The following TIMELESS variants were observed in gnomAD, a reference collection of about 807,000 sequenced individuals.
TIMELESS encodes the protein protein timeless homolog.
In TIMELESS, 124 loss-of-function variants were observed where a neutral mutation model predicts 164.3. The observed-to-expected ratio is 0.75, with a 90% CI of 0.65 to 0.88. The LOEUF (loss-of-function observed/expected upper bound fraction) is 0.88. Ranked by LOEUF, TIMELESS falls within the 40% of genes least tolerant of loss-of-function variation. TIMELESS has a pLI of 0.00. For synonymous variants in TIMELESS, 564 were observed against 563.4 expected (o/e 1.00, Z -0.02); for missense variants, 1,422 against 1,491.4 (o/e 0.95, Z 0.77).
chr12:56,447,018 T>A (rs909231067), intron 1 of TIMELESS, among the ~76,000 whole-genome samples: 16 of 151,428 alleles, frequency 1.1e-4, no homozygotes, highest in African/African-American at 3.4e-4. Context: ...TTTTTATTTT[T>A]TTTTTTTTTG....
In TIMELESS at chr12:56,419,281, C is replaced by CGT. The variant is rs1565678115; in HGVS notation, c.3229-923_3229-922insAC. On this transcript the variant is annotated intron_variant, in intron 26 of 28. Transcript: ENST00000553532. Reference sequence around the variant, plus strand: ...TGCTGGGGTTACAGGCGTGAGCCACCATACCCAGCAGATTCCACAGGATTA... The same window carrying CGT: ...TGCTGGGGTTACAGGCGTGAGCCACCGTATACCCAGCAGATTCCACAGGATTA... 9.9e-5 allele frequency among the ~76,000 whole-genome samples: 15 copies of CGT among 152,258 alleles called. No individual in the cohort carries two copies. In the South Asian group the frequency reaches 1.0e-3, roughly 11 times the overall value.
chr12:56,420,907 T>C (rs1040669995), intron 24 of TIMELESS, 26 bp from the exon 25 acceptor site: 4 of 1,614,086 alleles, frequency 2.5e-6, no homozygotes, highest in African/African-American at 1.3e-5. Flanking sequence ...AAACTTACAT[T>C]TGACCCTACT....
At chr12:56,427,494 G>A (rs1446235824) in intron 13 of TIMELESS, among the ~76,000 whole-genome samples, 1 of 152,160 alleles carries the variant, frequency 6.6e-6, no homozygotes, top group Non-Finnish European at 1.5e-5. Flanking sequence ...TATGGATCTG[G>A]AGACCGACAC....
intron 26 of TIMELESS, 100 bp downstream of exon 26, chr12:56,420,469 T>C (rs1187277150): frequency 3.3e-6 from 2 of 606,822 alleles, no homozygotes; most frequent in Non-Finnish European, 5.1e-6. Context: ...AAGATGACGA[T>C]AAGGATAAGG....
rs909314336 is a variant in TIMELESS, at chr12:56,423,949, A to G, written c.1869-55T>C. 1.4e-5 allele frequency: 21 copies of G among 1,484,986 alleles called. No homozygotes were observed. In the Admixed American group the frequency reaches 2.4e-4, roughly 17 times the overall value. The allele number at this position is 1,484,986 out of a possible 1,614,324, so 92.0% of individuals were successfully genotyped here. The stretch of plus-strand genomic sequence containing the variant: ...CCAGGGGAAATCTGGCTTTAAATTT[A>G]TAATTCGAAGTAGAAGAAGGAATTT... On this transcript the variant is annotated intron_variant, in intron 15 of 28. Transcript: ENST00000553532.
Position 56,434,235 on chromosome 12 carries a change from G to T in TIMELESS, c.-61-4C>A. On this transcript the variant is annotated splice_region_variant and splice_polypyrimidine_tract_variant and intron_variant, in intron 1 of 28. Transcript: ENST00000553532. ...CAGGAGACAGAAATGATGAGGCCTGGAGAAATAGAGAAAGATAAAAAATGT... is the reference window on the plus strand; with the variant it reads ...CAGGAGACAGAAATGATGAGGCCTGTAGAAATAGAGAAAGATAAAAAATGT... The T allele has an allele frequency of 7.9e-7, 1 of 1,270,584 alleles. No homozygotes were observed. The highest frequency in any genetic ancestry group is 2.3e-5 in the East Asian group (1 of 43,184). 78.7% of individuals were successfully genotyped at this position (1,270,584 alleles called of 1,614,324 possible).
intron 15 of TIMELESS, 26 bp downstream of exon 15, chr12:56,424,736 A>G (rs1322601509): frequency 6.2e-7 from 1 of 1,608,944 alleles, no homozygotes; most frequent in Non-Finnish European, 8.5e-7. Context: ...CCAAAGCCCA[A>G]GAGGATGAGC....
At chr12:56,420,236 C>A (rs1472094721) in intron 26 of TIMELESS, among the ~76,000 whole-genome samples, 1 of 151,738 alleles carries the variant, frequency 6.6e-6, no homozygotes, top group African/African-American at 2.4e-5. Flanking sequence ...GGGACTTCAG[C>A]ATCTATAGAT....
At position 56,430,124 on chromosome 12, in the gene TIMELESS, C is replaced by T. The variant is rs147921196; in HGVS notation, c.1067G>A (p.Arg356Gln). ...CSEFLENCYN[R>Q]LMGSVKDHLL... ...TCTCACCTTTACTGATCCCATGAGC[C>T]GGTTGTAACAGTTCTCCAGGAACTC... Residue 356 changes from arginine to glutamine, a missense_variant, in exon 10 of 29, where the codon CGG becomes CAG. Coordinates refer to ENST00000553532, the MANE Select transcript of TIMELESS (RefSeq NM_003920.5). 77 of 1,612,410 alleles carry T rather than the reference C, an allele frequency of 4.8e-5. No individual in the cohort carries two copies. Among genetic ancestry groups the T allele is most frequent in the Middle Eastern group, 1.6e-4 (1 of 6,072 alleles).
In TIMELESS at chr12:56,429,046, C is replaced by T. The variant is rs1322189521; in HGVS notation, c.1141G>A (p.Ala381Thr). The T allele has an allele frequency of 1.2e-6, 2 of 1,614,024 alleles. No homozygotes were observed. Among genetic ancestry groups the T allele is most frequent in the Non-Finnish European group, 1.7e-6 (2 of 1,180,012 alleles). ...QQHDETYYMW[A>T]LAFFMAFNRA... ...TTGAAGGCCATGAAGAAAGCCAAGG[C>T]CCACATATAATAGGTCTCATCATGC... Residue 381 changes from alanine (A) to threonine (T), a missense_variant, in exon 11 of 29, where the codon GCC becomes ACC. By Grantham distance (58) the Ala-to-Thr change is moderately conservative (BLOSUM62 0). Transcript: ENST00000553532.
chr12:56,449,018 T>C (rs2136161336), intron 1 of TIMELESS, among the ~76,000 whole-genome samples: 1 of 152,302 alleles, frequency 6.6e-6, no homozygotes, highest in East Asian at 1.9e-4. Context: ...GCACTTTCTG[T>C]TCTAATTCAG....
chr12:56,430,367 A>ATT (rs1483132493), intron 9 of TIMELESS, 86 bp from the exon 10 acceptor site: 1 of 1,473,080 alleles, frequency 6.8e-7, no homozygotes, highest in Non-Finnish European at 9.1e-7. Flanking sequence ...GAAGAAACTA[A>ATT]TTTTTGTTTT....
rs1881445696 is a variant in TIMELESS, at chr12:56,420,748, A to G, written c.3110-61T>C. 8.7e-6 allele frequency: 14 copies of G among 1,613,282 alleles called. No homozygotes were observed. The South Asian group carries it at 1.5e-4, about 18-fold the overall frequency. The stretch of plus-strand genomic sequence containing the variant: ...AAGGGAAGAACTGGTTCTCCATCCC[A>G]TGACCAGGTAGGTCTCCAATAGCCT... On this transcript the variant is annotated intron_variant, in intron 25 of 28. Coordinates refer to ENST00000553532, the MANE Select transcript of TIMELESS (RefSeq NM_003920.5).
intron 24 of TIMELESS, 35 bp downstream of exon 24, chr12:56,420,928 C>G: frequency 1.9e-5 from 30 of 1,614,112 alleles, no homozygotes; most frequent in Non-Finnish European, 2.5e-5. Flanking sequence ...CCCAAGCCCT[C>G]CACCTGAGAC....
Position 56,423,061 on chromosome 12 carries a change from A to AT in TIMELESS, c.2293-70dup, listed in dbSNP as rs1192624938. 3 of 1,548,678 alleles carry AT rather than the reference A, an allele frequency of 1.9e-6. No homozygotes were observed. In the African/African-American group the frequency reaches 4.1e-5, roughly 21 times the overall value. On this transcript the variant is annotated intron_variant, in intron 18 of 28. Transcript: ENST00000553532. ...CAGACCCGAACCTGGCCCTCTAGGT[A>AT]TTTTCTCTATAGCTGTTCCCAGCTG...
At chr12:56,425,425 C>G (rs914057215) in intron 13 of TIMELESS, among the ~76,000 whole-genome samples, 1 of 152,166 alleles carries the variant, frequency 6.6e-6, no homozygotes, top group African/African-American at 2.4e-5. Context: ...TGGCAAAACT[C>G]CTGACCCATT....
intron 26 of TIMELESS, among the ~76,000 whole-genome samples, chr12:56,419,023 A>G (rs1282909968): frequency 7.1e-6 from 1 of 141,214 alleles, no homozygotes; most frequent in African/African-American, 2.6e-5. Flanking sequence ...TTTTTGAGGC[A>G]GAGTCTCACT....
chr12:56,421,555 C>G (rs1187098409), intron 22 of TIMELESS, 62 bp from the exon 23 acceptor site: 2 of 1,572,054 alleles, frequency 1.3e-6, no homozygotes, highest in African/African-American at 2.7e-5. Flanking sequence ...TAAAATAAAT[C>G]AGAGGTCTCT....
At chr12:56,439,116 A>G (rs1409241892) in intron 1 of TIMELESS, among the ~76,000 whole-genome samples, 2 of 131,408 alleles carry the variant, frequency 1.5e-5, no homozygotes, top group Non-Finnish European at 3.1e-5. Context: ...CAGTGAGCCC[A>G]AATCGTGCCA....
Sources: allele counts gnomAD v4.1 joint callset (sites outside exome capture counted in the v4.1 genomes callset), GRCh38; gene constraint gnomAD v4.1.1; transcripts MANE v1.5; gene names NCBI Gene and HGNC (gene_info 2026-07-23, HGNC 2026-07-21).